Variants in PTPN13 observed in about 807,000 individuals in gnomAD.
PTPN13 encodes the protein tyrosine-protein phosphatase non-receptor type 13.
PTPN13 carries 191 observed loss-of-function variants against 284.0 expected under a neutral mutation model. The observed-to-expected ratio is 0.67, with a 90% CI of 0.60 to 0.76. PTPN13 has a LOEUF of 0.76. PTPN13 is among the 30% of genes least tolerant of loss of function. PTPN13 has a pLI of 0.00. For missense variants in PTPN13, 2,797 were observed against 2,939.9 expected (o/e 0.95, Z 1.12); for synonymous variants, 986 against 1,022.3 (o/e 0.96, Z 0.68).
At chr4:86,672,567 G>GT (rs1416303758) in intron 3 of PTPN13, 24 bp downstream of exon 3, 4 of 1,555,592 alleles carry the variant, frequency 2.6e-6, no homozygotes, top group Non-Finnish European at 2.6e-6. Flanking sequence ...TTTTTTGTTT[G>GT]TTTTTTTATT....
At chr4:86,812,880 A>C (rs1252736695) in intron 47 of PTPN13, among the ~76,000 whole-genome samples, 2 of 152,024 alleles carry the variant, frequency 1.3e-5, no homozygotes, top group African/African-American at 4.8e-5. Flanking sequence ...AATGACACCA[A>C]GTCTGGGGAG....
intron 1 of PTPN13, among the ~76,000 whole-genome samples, chr4:86,596,206 A>G (rs371929690): frequency 6.6e-6 from 1 of 152,226 alleles, no homozygotes; most frequent in East Asian, 1.9e-4. Flanking sequence ...ATTTGAGGTT[A>G]GTTGTTAAGA....
chr4:86,703,437 G>T (rs537865181), intron 7 of PTPN13, among the ~76,000 whole-genome samples: 1,730 of 136,568 alleles, frequency 0.013, 10 homozygotes, highest in Non-Finnish European at 0.015. Flanking sequence ...TGTCCATTGT[G>T]AAAAAAAAAA....
Position 86,644,559 on chromosome 4 carries a change from TA to T in PTPN13, c.115+9190del, listed in dbSNP as rs536559400. Among the ~76,000 whole-genome samples, 199 of 152,308 alleles carry T rather than the reference TA, an allele frequency of 1.3e-3. 1 individual carries two copies. The highest frequency in any genetic ancestry group is 2.2e-3 in the Admixed American group (34 of 15,280). The stretch of plus-strand genomic sequence containing the variant: ...AATAATAGCACTTCTATACAAACAC[TA>T]ATAGAACATTGAAGAGAAGGATGTA... On this transcript the variant is annotated intron_variant, in intron 2 of 47. Transcript: ENST00000411767.
chr4:86,750,453 A>T lies in PTPN13; in HGVS notation c.2651-17A>T, dbSNP rs760352869. ...TGTGGCGTTACCATCATGTAAAGCAATCCTATTTCCTTGTAGAGAGAGCTT... is the reference window on the plus strand; with the variant it reads ...TGTGGCGTTACCATCATGTAAAGCATTCCTATTTCCTTGTAGAGAGAGCTT... On this transcript the variant is annotated splice_polypyrimidine_tract_variant and intron_variant, in intron 17 of 47. Transcript: ENST00000411767. The T allele has an allele frequency of 6.3e-7, 1 of 1,596,552 alleles. No individual in the cohort carries two copies. Among genetic ancestry groups the T allele is most frequent in the Admixed American group, 1.7e-5 (1 of 57,178 alleles).
chr4:86,648,151 G>T (rs185133738), intron 2 of PTPN13, among the ~76,000 whole-genome samples: 1 of 151,900 alleles, frequency 6.6e-6, no homozygotes, highest in Admixed American at 6.6e-5. Flanking sequence ...TGAAAAAAGC[G>T]TACTCTGTGT....
In PTPN13 at chr4:86,814,571, T is replaced by C; in HGVS notation, c.*20T>C. On this transcript the variant is annotated 3_prime_UTR_variant, in exon 48 of 48. Transcript: ENST00000411767. ...AAGTGACATGAAAAGAGCCTCTGGA[T>C]GCATTTCCATTTCTCTCCTTAACCT... 1 of 1,573,694 alleles carries C rather than the reference T, an allele frequency of 6.4e-7. No individual in the cohort carries two copies. The highest frequency in any genetic ancestry group is 8.7e-7 in the Non-Finnish European group (1 of 1,144,176).
chr4:86,775,214 T>A lies in PTPN13; in HGVS notation c.5552T>A (p.Val1851Asp), dbSNP rs752244106. Reference protein sequence around the residue: ...DVTNMTHTDAVNLLRAASKTV... With the variant: ...DVTNMTHTDADNLLRAASKTV... ...ACTAATATGACTCATACAGATGCAG[T>A]TAATCTGCTCCGGGCTGCATCCAAA... The change falls in exon 34 of 48, where the codon GTT becomes GAT. Residue 1851 changes from valine (V) to aspartate (D), a missense_variant. Transcript: ENST00000411767. 7 of 1,612,924 alleles carry A rather than the reference T, an allele frequency of 4.3e-6. No homozygotes were observed. The highest frequency in any genetic ancestry group is 5.9e-6 in the Non-Finnish European group (7 of 1,179,482).
At chr4:86,694,307 G>A (rs922273086) in intron 6 of PTPN13, among the ~76,000 whole-genome samples, 9 of 151,732 alleles carry the variant, frequency 5.9e-5, no homozygotes, top group East Asian at 5.8e-4. Context: ...CAGGCCAGGC[G>A]TGGTGGCTCA....
intron 2 of PTPN13, among the ~76,000 whole-genome samples, chr4:86,642,751 G>C (rs1053497683): frequency 3.3e-4 from 50 of 151,886 alleles, no homozygotes; most frequent in African/African-American, 1.2e-3. Context: ...CACCGCGCCT[G>C]GCCCACTTCA....
intron 15 of PTPN13, among the ~76,000 whole-genome samples, chr4:86,736,448 C>T (rs1461018607): frequency 2.0e-5 from 3 of 152,082 alleles, no homozygotes; most frequent in Non-Finnish European, 4.4e-5. Context: ...CCATTCACTG[C>T]TGCATATAGA....
In PTPN13 at chr4:86,774,595, A is replaced by C. The variant is rs1430459909; in HGVS notation, c.5508+64A>C. On this transcript the variant is annotated intron_variant, in intron 33 of 47. Transcript: ENST00000411767. The stretch of plus-strand genomic sequence containing the variant: ...TAGACAAAGAGCAAGCCAGAAAAAG[A>C]AGATTGAATTATTGTAATACTGTAT... 2.1e-6 allele frequency: 3 copies of C among 1,437,524 alleles called. No individual in the cohort carries two copies. In the African/African-American group the frequency reaches 4.3e-5, roughly 21 times the overall value. The allele number at this position is 1,437,524 out of a possible 1,614,324, so 89.0% of individuals were successfully genotyped here.
chr4:86,724,560 G>T (rs1734024613), intron 10 of PTPN13, among the ~76,000 whole-genome samples: 1 of 152,126 alleles, frequency 6.6e-6, no homozygotes, highest in Non-Finnish European at 1.5e-5. Flanking sequence ...TTTTGTGTCA[G>T]TGATTAGATA....
chr4:86,599,231 T>C (rs1006717572), intron 1 of PTPN13, among the ~76,000 whole-genome samples: 4 of 152,204 alleles, frequency 2.6e-5, no homozygotes, highest in African/African-American at 9.6e-5. Context: ...AAAATTTGGT[T>C]CCCATAAATG....
At chr4:86,669,271 G>T (rs1490719810) in intron 2 of PTPN13, among the ~76,000 whole-genome samples, 1 of 122,864 alleles carries the variant, frequency 8.1e-6, no homozygotes, top group Non-Finnish European at 1.6e-5. Flanking sequence ...GACCTGTAAT[G>T]TTGGGAAGAA....
At chr4:86,805,815 G>A (rs1744588800) in intron 44 of PTPN13, among the ~76,000 whole-genome samples, 1 of 152,102 alleles carries the variant, frequency 6.6e-6, no homozygotes, top group South Asian at 2.1e-4. Context: ...GACTACAGTG[G>A]TACTACCAGC....
intron 19 of PTPN13, among the ~76,000 whole-genome samples, chr4:86,751,923 A>G (rs202210970): frequency 5.4e-5 from 8 of 149,166 alleles, no homozygotes; most frequent in South Asian, 4.2e-4. Flanking sequence ...AATTGTATGT[A>G]TGTGTGTGTG....
intron 31 of PTPN13, among the ~76,000 whole-genome samples, chr4:86,771,959 A>G (rs1565538287): frequency 6.6e-6 from 1 of 152,218 alleles, no homozygotes; most frequent in Non-Finnish European, 1.5e-5. Flanking sequence ...AAAACATAGA[A>G]GCATACAAAG....
At chr4:86,670,563 C>T (rs1727619089) in intron 2 of PTPN13, among the ~76,000 whole-genome samples, 1 of 152,106 alleles carries the variant, frequency 6.6e-6, no homozygotes, top group South Asian at 2.1e-4. Flanking sequence ...AGCAGGTTCT[C>T]ACCACCTCTA....
Sources: allele counts gnomAD v4.1 joint callset (sites outside exome capture counted in the v4.1 genomes callset), GRCh38; gene constraint gnomAD v4.1.1; transcripts MANE v1.5; gene names NCBI Gene and HGNC (gene_info 2026-07-23, HGNC 2026-07-21).